The following MYOM2 variants were observed in gnomAD, a reference collection of about 807,000 sequenced individuals.
MYOM2 encodes the protein myomesin-2.
In MYOM2, 254 loss-of-function variants were observed where a neutral mutation model predicts 187.6. The ratio of observed to expected loss-of-function variants is 1.35; its 90% CI spans 1.22 to 1.50. MYOM2 has a LOEUF of 1.50. Among genes scored for constraint, MYOM2 ranks in the 40% most tolerant of loss-of-function variants. MYOM2 has a pLI of 0.00. For missense variants in MYOM2, 2,796 were observed against 1,924.0 expected (o/e 1.45, Z -8.48); for synonymous variants, 981 against 753.8 (o/e 1.30, Z -4.94).
intron 8 of MYOM2, among the ~76,000 whole-genome samples, chr8:2,071,746 T>G (rs1223336481): frequency 6.6e-6 from 1 of 152,176 alleles, no homozygotes; most frequent in East Asian, 1.9e-4. Context: ...CAGCAAACAC[T>G]TATCCTCTCT....
At chr8:2,105,906 T>C (rs112011314) in intron 21 of MYOM2, among the ~76,000 whole-genome samples, 1 of 152,184 alleles carries the variant, frequency 6.6e-6, no homozygotes, top group Non-Finnish European at 1.5e-5. Flanking sequence ...TTTAATTGAC[T>C]GACAGTCCTT....
chr8:2,065,301 T>C (rs1818979337), intron 6 of MYOM2, among the ~76,000 whole-genome samples: 2 of 152,190 alleles, frequency 1.3e-5, no homozygotes, highest in Admixed American at 1.3e-4. Context: ...CCAGGCACGG[T>C]GGCTCATGCC....
At chr8:2,049,416 C>T (rs534747685) in intron 1 of MYOM2, among the ~76,000 whole-genome samples, 5 of 152,162 alleles carry the variant, frequency 3.3e-5, no homozygotes, top group African/African-American at 4.8e-5. Flanking sequence ...CTGTGATTCT[C>T]GGAGATTACA....
chr8:2,100,994 G>A lies in MYOM2; in HGVS notation c.2559G>A (p.Glu853=). Residue 853 remains glutamate, a synonymous_variant, in exon 20 of 37, where the codon GAG becomes GAA. Coordinates refer to ENST00000262113, the MANE Select transcript of MYOM2 (RefSeq NM_003970.4). ...CTGGATATTTCGTGGACTTCAGGGA[G>A]GAGGATGCTGGAGAGTGGATCACTG... ...PVSGYFVDFR[E]EDAGEWITVN... 3.7e-6 allele frequency: 6 copies of A among 1,614,188 alleles called. No individual in the cohort carries two copies. The highest frequency in any genetic ancestry group is 5.1e-6 in the Non-Finnish European group (6 of 1,180,034).
In MYOM2 at chr8:2,058,586, T is replaced by G. The variant is rs1478910707; in HGVS notation, c.561-567T>G. ...TGCTAAAGTTATACGTATATATCTA[T>G]GTGCATTTATATGTGGGGTTGGGAC... On this transcript the variant is annotated intron_variant, in intron 5 of 36. Coordinates refer to ENST00000262113, the MANE Select transcript of MYOM2 (RefSeq NM_003970.4). 7.2e-5 allele frequency among the ~76,000 whole-genome samples: 11 copies of G among 152,304 alleles called. No individual in the cohort carries two copies. In the East Asian group the frequency reaches 2.1e-3, roughly 29 times the overall value.
At chr8:2,087,701 C>A (rs1057363608) in intron 14 of MYOM2, among the ~76,000 whole-genome samples, 2 of 152,236 alleles carry the variant, frequency 1.3e-5, no homozygotes, top group Non-Finnish European at 2.9e-5. Flanking sequence ...GTCTCCACCT[C>A]CTGGGCTCCA....
chr8:2,138,624 C>G (rs1312351125), intron 32 of MYOM2, among the ~76,000 whole-genome samples: 1 of 152,240 alleles, frequency 6.6e-6, no homozygotes, highest in African/African-American at 2.4e-5. Context: ...CTCACACTGC[C>G]CTGCCTTCTA....
chr8:2,049,212 T>A (rs1284033353), intron 1 of MYOM2, among the ~76,000 whole-genome samples: 1 of 152,098 alleles, frequency 6.6e-6, no homozygotes, highest in African/African-American at 2.4e-5. Context: ...ACTAGTTGGG[T>A]TTTAAGAGGC....
At chr8:2,079,209 T>C (rs1210886282) in intron 12 of MYOM2, among the ~76,000 whole-genome samples, 3 of 152,190 alleles carry the variant, frequency 2.0e-5, no homozygotes, top group Non-Finnish European at 4.4e-5. Context: ...GACCTTTTTT[T>C]TATTCCATTG....
rs1489168795 is a variant in MYOM2, at chr8:2,102,796, A to G, written c.2734+15A>G. ...GGCGAGACCAGGTAAGGCTTACAAC[A>G]AAAACTACAAAACAGCAATGATTTG... On this transcript the variant is annotated intron_variant, in intron 21 of 36. Transcript: ENST00000262113. 2 of 1,587,148 alleles carry G rather than the reference A, an allele frequency of 1.3e-6. No individual in the cohort carries two copies. Among genetic ancestry groups the G allele is most frequent in the Non-Finnish European group, 1.7e-6 (2 of 1,156,740 alleles).
chr8:2,079,755 A>C (rs1819558695), intron 13 of MYOM2, 142 bp downstream of exon 13: 1 of 875,468 alleles, frequency 1.1e-6, no homozygotes, highest in Non-Finnish European at 1.9e-6. Flanking sequence ...CAGGCCTGCA[A>C]GCCCAGTGTC....
At chr8:2,104,912 C>T (rs541563611) in intron 21 of MYOM2, among the ~76,000 whole-genome samples, 12 of 152,290 alleles carry the variant, frequency 7.9e-5, no homozygotes, top group South Asian at 2.1e-4. Flanking sequence ...TCTATCTTAA[C>T]GACCTAATCA....
intron 19 of MYOM2, chr8:2,100,588 C>A (rs571767735): frequency 2.4e-6 from 1 of 418,038 alleles, no homozygotes; most frequent in African/African-American, 2.0e-5. Context: ...GCACACCGTT[C>A]CTCTCTGTGA....
rs1489890751 is a variant in MYOM2, at chr8:2,100,887, G to A, written c.2452G>A (p.Asp818Asn). The A allele has an allele frequency of 8.1e-6, 13 of 1,614,018 alleles. No individual in the cohort carries two copies. Among genetic ancestry groups the A allele is most frequent in the South Asian group, 3.3e-5 (3 of 91,082 alleles). The change falls in exon 20 of 37, where the codon GAC (aspartate) becomes AAC (asparagine). Residue 818 changes from aspartate to asparagine, a missense_variant. Asp to Asn is a conservative substitution (Grantham distance 23, BLOSUM62 1). Coordinates refer to ENST00000262113, the MANE Select transcript of MYOM2 (RefSeq NM_003970.4). ...ATCTGACTTCACAGGTCCTGCCTAC[G>A]ACTTGACGTTCTGTGAGGTCAGGGA... Reference protein sequence around the residue: ...WTMPEPGPAYDLTFCEVRDTS... With the variant: ...WTMPEPGPAYNLTFCEVRDTS...
At chr8:2,054,394 G>C (rs1818590384) in intron 3 of MYOM2, among the ~76,000 whole-genome samples, 1 of 152,170 alleles carries the variant, frequency 6.6e-6, no homozygotes, top group African/African-American at 2.4e-5. Context: ...TTCAGTCCCA[G>C]TGAAAAATGG....
chr8:2,135,903 G>GCTT (rs1798052410), intron 32 of MYOM2, among the ~76,000 whole-genome samples: 7 of 152,306 alleles, frequency 4.6e-5, no homozygotes, highest in Admixed American at 3.3e-4. Flanking sequence ...CTCATTCAGG[G>GCTT]GAAGCCAAAT....
chr8:2,069,468 C>T lies in MYOM2; in HGVS notation c.764C>T (p.Pro255Leu). Residue 255 changes from proline to leucine, a missense_variant, in exon 8 of 37, where the codon CCA becomes CTA. Pro to Leu is a moderately conservative substitution (Grantham distance 98, BLOSUM62 -3). Transcript: ENST00000262113. ...VVRRFRGDEE[P>L]FRSVGLPIGL... ...GCAGGGTTCCGGGGAGACGAGGAAC[C>T]ATTCCGTTCGGTGGGACTCCCGATT... 1 of 1,614,206 alleles carries T rather than the reference C, an allele frequency of 6.2e-7. No homozygotes were observed. The highest frequency in any genetic ancestry group is 8.5e-7 in the Non-Finnish European group (1 of 1,180,040).
intron 6 of MYOM2, among the ~76,000 whole-genome samples, chr8:2,059,930 C>CG (rs1563419627): frequency 6.6e-6 from 1 of 151,938 alleles, no homozygotes; most frequent in South Asian, 2.1e-4. Context: ...TTAGTAGAGA[C>CG]GGGGTTTCAC....
At chr8:2,110,974 G>T (rs1003488997) in intron 25 of MYOM2, among the ~76,000 whole-genome samples, 2 of 152,308 alleles carry the variant, frequency 1.3e-5, no homozygotes, top group South Asian at 4.1e-4. Flanking sequence ...CTTTTGGGCT[G>T]CAAAAAAGCC....
Sources: allele counts gnomAD v4.1 joint callset (sites outside exome capture counted in the v4.1 genomes callset), GRCh38; gene constraint gnomAD v4.1.1; transcripts MANE v1.5; gene names NCBI Gene and HGNC (gene_info 2026-07-23, HGNC 2026-07-21).